DPYD: variants seen among roughly 807,000 people sequenced by gnomAD.
DPYD encodes the protein dihydropyrimidine dehydrogenase.
DPYD carries 109 observed loss-of-function variants against 116.2 expected under a neutral mutation model. The ratio of observed to expected loss-of-function variants is 0.94; its 90% confidence interval spans 0.80 to 1.10. DPYD has a LOEUF of 1.10. Among genes scored for constraint, DPYD ranks in the 50% least tolerant of loss-of-function variants. DPYD has a pLI of 0.00. For synonymous variants in DPYD, 440 were observed against 432.0 expected (o/e 1.02, Z -0.23); for missense variants, 1,302 against 1,254.5 (o/e 1.04, Z -0.57).
chr1:97,129,935 C>T (rs150589360), intron 20 of DPYD, among the ~76,000 whole-genome samples: 11 of 152,242 alleles, frequency 7.2e-5, no homozygotes, highest in East Asian at 3.9e-4. Flanking sequence ...GTTTTGCTCA[C>T]GAGGATTCTC....
intron 14 of DPYD, among the ~76,000 whole-genome samples, chr1:97,400,392 A>G (rs1463051604): frequency 2.0e-5 from 3 of 152,070 alleles, no homozygotes; most frequent in Admixed American, 2.0e-4. Flanking sequence ...TTCATCACGG[A>G]TATTGGTCTA....
chr1:97,259,480 CT>C, intron 18 of DPYD, among the ~76,000 whole-genome samples: 1 of 152,182 alleles, frequency 6.6e-6, no homozygotes, highest in East Asian at 1.9e-4. Context: ...TCAAGTGCCC[CT>C]CCTGCCTCAG....
At chr1:97,608,181 A>C (rs887179933) in intron 8 of DPYD, among the ~76,000 whole-genome samples, 1 of 151,930 alleles carries the variant, frequency 6.6e-6, no homozygotes, top group African/African-American at 2.4e-5. Context: ...ATATATTCGC[A>C]CTGGAGCACT....
At chr1:97,174,369 T>A (rs1657101202) in intron 20 of DPYD, among the ~76,000 whole-genome samples, 1 of 152,156 alleles carries the variant, frequency 6.6e-6, no homozygotes, top group Admixed American at 6.6e-5. Context: ...TGACACCACA[T>A]CCACTACCTA....
At chr1:97,638,775 C>A (rs1350537828) in intron 8 of DPYD, among the ~76,000 whole-genome samples, 5 of 151,984 alleles carry the variant, frequency 3.3e-5, no homozygotes, top group Admixed American at 3.3e-4. Flanking sequence ...AAGTGTCGGG[C>A]TCTTCTTAAA....
chr1:97,218,613 A>C (rs1660572761), intron 19 of DPYD, among the ~76,000 whole-genome samples: 1 of 151,194 alleles, frequency 6.6e-6, no homozygotes, highest in South Asian at 2.1e-4. Flanking sequence ...TAAATCCTCA[A>C]ATTTTCTAAT....
At chr1:97,098,747 T>C (rs1650448656) in intron 20 of DPYD, 115 bp from the exon 21 acceptor site, 19 of 1,229,440 alleles carry the variant, frequency 1.5e-5, no homozygotes, top group Non-Finnish European at 2.2e-5. Context: ...GATTGTTTCA[T>C]GTATACTGTA....
At chr1:97,720,877 A>C in intron 5 of DPYD, 1 of 1,609,392 alleles carries the variant, frequency 6.2e-7, no homozygotes, top group Non-Finnish European at 8.5e-7. Flanking sequence ...GTGTCTGAAG[A>C]ATCAAAGTCT....
intron 16 of DPYD, among the ~76,000 whole-genome samples, chr1:97,370,090 C>T (rs1557663361): frequency 6.6e-6 from 1 of 152,106 alleles, no homozygotes; most frequent in East Asian, 1.9e-4. Context: ...CATACGTGTG[C>T]ATGTGTCTTT....
chr1:97,502,427 A>T (rs10493892), intron 13 of DPYD, among the ~76,000 whole-genome samples: 5 of 151,994 alleles, frequency 3.3e-5, no homozygotes, highest in African/African-American at 1.2e-4. Flanking sequence ...TATTGGTACC[A>T]GGTAAAGTAG....
intron 2 of DPYD, among the ~76,000 whole-genome samples, chr1:97,843,141 A>T (rs1357000040): frequency 6.6e-6 from 1 of 152,020 alleles, no homozygotes; most frequent in Non-Finnish European, 1.5e-5. Flanking sequence ...ATTTATACAG[A>T]CGCCTATCTC....
At chr1:97,449,907 C>CT (rs1020679489) in intron 14 of DPYD, 152 bp downstream of exon 14, 2 of 1,005,704 alleles carry the variant, frequency 2.0e-6, no homozygotes, top group African/African-American at 1.6e-5. Context: ...GCTTTTCTTT[C>CT]TTTTTTATCT....
chr1:97,913,532 A>T (rs1316846067), intron 1 of DPYD, among the ~76,000 whole-genome samples: 1 of 152,168 alleles, frequency 6.6e-6, no homozygotes, highest in Non-Finnish European at 1.5e-5. Flanking sequence ...CCCCAGGCTT[A>T]TCCTGTATCT....
intron 20 of DPYD, among the ~76,000 whole-genome samples, chr1:97,125,915 A>G (rs1652796463): frequency 6.6e-6 from 1 of 152,146 alleles, no homozygotes; most frequent in Admixed American, 6.6e-5. Context: ...AATTATTTTT[A>G]TATGAATAGG....
At chr1:97,151,691 A>T (rs911518630) in intron 20 of DPYD, among the ~76,000 whole-genome samples, 1 of 152,056 alleles carries the variant, frequency 6.6e-6, no homozygotes, top group Non-Finnish European at 1.5e-5. Flanking sequence ...TAAAAAAATA[A>T]AAAAATAAAA....
intron 3 of DPYD, among the ~76,000 whole-genome samples, chr1:97,794,031 G>A (rs949716525): frequency 2.0e-5 from 3 of 152,094 alleles, no homozygotes; most frequent in Non-Finnish European, 2.9e-5. Context: ...TCAACTTCCT[G>A]GGCTCAGGTG....
At chr1:97,358,802 G>A (rs1408393052) in intron 16 of DPYD, among the ~76,000 whole-genome samples, 1 of 152,148 alleles carries the variant, frequency 6.6e-6, no homozygotes, top group African/African-American at 2.4e-5. Context: ...AACCCTATCT[G>A]TAGGTCACCA....
chr1:97,249,551 A>G (rs1042175745), intron 18 of DPYD, among the ~76,000 whole-genome samples: 2 of 152,092 alleles, frequency 1.3e-5, no homozygotes, highest in African/African-American at 4.8e-5. Flanking sequence ...GTAACCCTGA[A>G]TTAGGCAAAA....
intron 21 of DPYD, among the ~76,000 whole-genome samples, chr1:97,095,346 G>C (rs1650165931): frequency 6.6e-6 from 1 of 152,008 alleles, no homozygotes; most frequent in South Asian, 2.1e-4. Context: ...TATAATTTGA[G>C]AGATGAAAGG....
Sources: gnomAD v4.1 joint callset for allele counts (sites outside exome capture counted in the v4.1 genomes callset) on GRCh38, gnomAD v4.1.1 for gene constraint, MANE v1.5 for transcripts, NCBI Gene and HGNC (gene_info 2026-07-23, HGNC 2026-07-21) for gene names.